Variants in NTM observed in about 807,000 individuals in gnomAD.
The protein encoded by NTM is neurotrimin.
A neutral mutation model predicts 42.1 loss-of-function variants in NTM; 13 were observed. The ratio of observed to expected loss-of-function variants is 0.31; its 90% CI spans 0.20 to 0.49. NTM has a LOEUF of 0.49. Ranked by LOEUF, NTM falls within the 20% of genes least tolerant of loss-of-function variation. The probability of loss-of-function intolerance (pLI) is 0.99; values close to 1 mark genes in which losing one functional copy is unlikely to be tolerated. For missense variants in NTM, 373 were observed against 452.8 expected (o/e 0.82, Z 1.60); for synonymous variants, 187 against 179.2 (o/e 1.04, Z -0.35).
At chr11:131,943,852 T>C (rs573252876) in intron 2 of NTM, among the ~76,000 whole-genome samples, 69 of 152,100 alleles carry the variant, frequency 4.5e-4, no homozygotes, top group Non-Finnish European at 8.8e-4. Flanking sequence ...CACACATCCA[T>C]GGTGACAGCC....
chr11:131,867,642 G>A (rs1198836400), intron 1 of NTM, among the ~76,000 whole-genome samples: 3 of 151,990 alleles, frequency 2.0e-5, no homozygotes, highest in Admixed American at 2.0e-4. Flanking sequence ...GTTTATGTCT[G>A]TGTATCTGTA....
chr11:131,498,739 G>A (rs1452551446), intron 1 of NTM, among the ~76,000 whole-genome samples: 1 of 152,228 alleles, frequency 6.6e-6, no homozygotes, highest in Non-Finnish European at 1.5e-5. Flanking sequence ...GCTCTGTTGG[G>A]AAGGGCTGGG....
intron 1 of NTM, among the ~76,000 whole-genome samples, chr11:131,844,106 C>A (rs1463835902): frequency 2.6e-5 from 4 of 152,032 alleles, no homozygotes; most frequent in Non-Finnish European, 5.9e-5. Context: ...TAATTTCCTA[C>A]CCGAAAAACA....
chr11:131,604,324 A>G (rs1203048775), intron 1 of NTM, among the ~76,000 whole-genome samples: 1 of 152,130 alleles, frequency 6.6e-6, no homozygotes, highest in Non-Finnish European at 1.5e-5. Flanking sequence ...ATGTATTTGT[A>G]TAACTTTGGA....
At chr11:132,278,962 C>A (rs920877038) in intron 4 of NTM, among the ~76,000 whole-genome samples, 1 of 152,146 alleles carries the variant, frequency 6.6e-6, no homozygotes, top group Non-Finnish European at 1.5e-5. Flanking sequence ...CTCCTGAGAG[C>A]CAAATCCAAA....
At chr11:131,819,053 C>T (rs999370529) in intron 1 of NTM, among the ~76,000 whole-genome samples, 1 of 152,138 alleles carries the variant, frequency 6.6e-6, no homozygotes, top group African/African-American at 2.4e-5. Flanking sequence ...AGTGTACCTG[C>T]CCAATGTTGC....
At chr11:131,762,882 C>A (rs1004255584) in intron 1 of NTM, among the ~76,000 whole-genome samples, 3 of 152,192 alleles carry the variant, frequency 2.0e-5, no homozygotes, top group Non-Finnish European at 4.4e-5. Context: ...TGGACAGGAG[C>A]CTTCTGCCTC....
chr11:131,752,433 C>A (rs906394655), intron 1 of NTM, among the ~76,000 whole-genome samples: 1 of 152,168 alleles, frequency 6.6e-6, no homozygotes, highest in Non-Finnish European at 1.5e-5. Flanking sequence ...ACTTTTACAT[C>A]GCTGGTGGGA....
At chr11:131,856,828 G>T (rs892630254) in intron 1 of NTM, among the ~76,000 whole-genome samples, 2 of 152,164 alleles carry the variant, frequency 1.3e-5, no homozygotes, top group African/African-American at 4.8e-5. Context: ...TGGTCTAATA[G>T]CCCATTTTAC....
intron 1 of NTM, among the ~76,000 whole-genome samples, chr11:131,441,915 C>G (rs751665769): frequency 6.6e-6 from 1 of 152,194 alleles, no homozygotes; most frequent in Non-Finnish European, 1.5e-5. Context: ...AGGGAAAACA[C>G]TGGAGGCCTG....
At chr11:132,030,805 G>C (rs1165227633) in intron 2 of NTM, among the ~76,000 whole-genome samples, 4 of 152,170 alleles carry the variant, frequency 2.6e-5, no homozygotes, top group African/African-American at 9.7e-5. Flanking sequence ...GAGATAGTGG[G>C]AAGCTAGATC....
intron 1 of NTM, among the ~76,000 whole-genome samples, chr11:131,753,219 A>G (rs1168102049): frequency 3.3e-5 from 5 of 152,174 alleles, no homozygotes; most frequent in Admixed American, 1.3e-4. Flanking sequence ...TAGAATGGCA[A>G]TCATTAAAAA....
At chr11:131,605,221 ACTTT>A (rs2060842402) in intron 1 of NTM, among the ~76,000 whole-genome samples, 1 of 152,168 alleles carries the variant, frequency 6.6e-6, no homozygotes, top group Non-Finnish European at 1.5e-5. Flanking sequence ...GGTCTTTTAA[ACTTT>A]CTTTCAGTAA....
chr11:131,799,408 G>T (rs968033037), intron 1 of NTM, among the ~76,000 whole-genome samples: 1 of 152,140 alleles, frequency 6.6e-6, no homozygotes, highest in Non-Finnish European at 1.5e-5. Flanking sequence ...AAGGCATATT[G>T]CAGGTGTACA....
At chr11:131,759,296 C>T (rs1189481390) in intron 1 of NTM, among the ~76,000 whole-genome samples, 3 of 152,136 alleles carry the variant, frequency 2.0e-5, no homozygotes, top group African/African-American at 7.2e-5. Context: ...AAATTAATTC[C>T]GTGTTCATCG....
intron 1 of NTM, among the ~76,000 whole-genome samples, chr11:131,800,289 C>T (rs1030707649): frequency 2.0e-5 from 3 of 152,216 alleles, no homozygotes; most frequent in African/African-American, 7.2e-5. Context: ...TCCCATTTTA[C>T]TGAAAACAAA....
intron 3 of NTM, among the ~76,000 whole-genome samples, chr11:132,175,595 C>CT (rs113624145): frequency 7.9e-5 from 12 of 151,266 alleles, no homozygotes; most frequent in East Asian, 7.8e-4. Context: ...ACCCACCCCC[C>CT]TTTTTTTTTT....
chr11:132,140,669 T>A (rs2068908610), intron 2 of NTM, among the ~76,000 whole-genome samples: 1 of 152,188 alleles, frequency 6.6e-6, no homozygotes. Flanking sequence ...TTCAGTGTCT[T>A]CGTGGGGAAG....
intron 1 of NTM, among the ~76,000 whole-genome samples, chr11:131,876,642 A>C (rs1214528541): frequency 6.6e-6 from 1 of 152,198 alleles, no homozygotes; most frequent in African/African-American, 2.4e-5. Context: ...GTGCAGTAGA[A>C]CCACCATTGA....
Sources: gnomAD v4.1 joint callset for allele counts (sites outside exome capture counted in the v4.1 genomes callset) on GRCh38, gnomAD v4.1.1 for gene constraint, MANE v1.5 for transcripts, NCBI Gene and HGNC (gene_info 2026-07-23, HGNC 2026-07-21) for gene names.